TENM4: variants seen among roughly 807,000 people sequenced by gnomAD.
TENM4 encodes teneurin-4.
Under a neutral mutation model 243.3 loss-of-function variants are expected in TENM4, and 82 were observed. The observed-to-expected ratio is 0.34, with a 90% CI of 0.28 to 0.40. TENM4 has a LOEUF of 0.40. Among genes scored for constraint, TENM4 ranks in the 10% least tolerant of loss-of-function variants. TENM4 has a pLI of 1.00. For missense variants in TENM4, 3,138 were observed against 3,673.3 expected (o/e 0.85, Z 3.77); for synonymous variants, 1,412 against 1,456.3 (o/e 0.97, Z 0.69).
At chr11:79,365,664 T>G (rs7947157) in intron 1 of TENM4, among the ~76,000 whole-genome samples, 82,562 of 151,964 alleles carry the variant, frequency 0.54, 22,992 homozygotes, top group African/African-American at 0.67. Flanking sequence ...AGACAGGCAT[T>G]AGCATCTGAC....
At chr11:78,720,753 G>T (rs1373485225) in intron 24 of TENM4, among the ~76,000 whole-genome samples, 2 of 152,086 alleles carry the variant, frequency 1.3e-5, no homozygotes, top group Non-Finnish European at 2.9e-5. Context: ...CATGCTTACT[G>T]CCCTGTGTCT....
chr11:79,075,778 T>C (rs4944220), intron 4 of TENM4, among the ~76,000 whole-genome samples: 141,241 of 152,298 alleles, frequency 0.93, 65,779 homozygotes, highest in Middle Eastern at 0.98. Flanking sequence ...GGCCTGTCAG[T>C]CTGCTCCAGA....
rs142698173 is a variant in TENM4 at position 78,988,081 on chromosome 11, T to C, written c.493+76657A>G. ...GCGGACCTGTGATACCAATAGGATATTGTGGAAATAGAGAGTTTGACTTCC... is the reference window on the plus strand; with the variant it reads ...GCGGACCTGTGATACCAATAGGATACTGTGGAAATAGAGAGTTTGACTTCC... On this transcript the variant is annotated intron_variant, in intron 6 of 33. Transcript: ENST00000278550. Among the ~76,000 whole-genome samples the C allele has an allele frequency of 3.1e-3, 468 of 152,294 alleles. 2 individuals carry two copies. The highest frequency in any genetic ancestry group is 9.7e-3 in the African/African-American group (405 of 41,566).
At chr11:78,941,062 C>T (rs1360274663) in intron 6 of TENM4, among the ~76,000 whole-genome samples, 3 of 152,296 alleles carry the variant, frequency 2.0e-5, no homozygotes, top group East Asian at 3.9e-4. Context: ...CAGGCATGTC[C>T]CCCGCAAGCC....
chr11:78,722,779 A>G lies in TENM4; in HGVS notation c.3689T>C (p.Leu1230Pro). ...GCCACAGGTGAGGGCCACTGGGGCC[A>G]GGAGCTTGTTGCCGTCAGCAAGGCC... ...CNGLADGNKL[L>P]APVALTCGSD... The change falls in exon 24 of 34, where the codon CTG becomes CCG. Residue 1230 changes from leucine to proline, a missense_variant. Around this residue, in one of 2 missense-constraint regions of TENM4, gnomAD observed 2,467 missense variants for 3,059.1 expected, o/e 0.81. Transcript: ENST00000278550. 4.3e-6 allele frequency: 7 copies of G among 1,614,088 alleles called. No homozygotes were observed. The highest frequency in any genetic ancestry group is 5.9e-6 in the Non-Finnish European group (7 of 1,179,886).
chr11:78,913,580 GGTATGTGTGTGTGTGT>G (rs1442871434), intron 6 of TENM4, among the ~76,000 whole-genome samples: 7 of 126,350 alleles, frequency 5.5e-5, no homozygotes, highest in African/African-American at 2.1e-4. Flanking sequence ...ATGGGTAAGA[GGTATGTGTGTGTGTGT>G]GTGTGTGTGT....
At chr11:78,826,004 CCAAT>C (rs2136133695) in intron 12 of TENM4, among the ~76,000 whole-genome samples, 1 of 151,566 alleles carries the variant, frequency 6.6e-6, no homozygotes, top group East Asian at 1.9e-4. Flanking sequence ...TAATTAGTCT[CCAAT>C]CATTTATCCA....
intron 2 of TENM4, among the ~76,000 whole-genome samples, chr11:79,256,187 A>G (rs1855698458): frequency 6.6e-6 from 1 of 152,168 alleles, no homozygotes; most frequent in Non-Finnish European, 1.5e-5. Flanking sequence ...TCCTGTAGCC[A>G]TAGCTCTCAG....
chr11:78,868,192 T>C (rs1009090867), intron 9 of TENM4, among the ~76,000 whole-genome samples: 1 of 152,088 alleles, frequency 6.6e-6, no homozygotes, highest in Admixed American at 6.5e-5. Flanking sequence ...CCCTGAAGAA[T>C]GAACGGTAAC....
chr11:79,155,190 G>A (rs72935363), intron 3 of TENM4, among the ~76,000 whole-genome samples: 8,727 of 152,172 alleles, frequency 0.057, 337 homozygotes, highest in Non-Finnish European at 0.078. Context: ...CCCAGAAGAG[G>A]GACAGATCCG....
At chr11:79,235,581 G>A (rs1323024124) in intron 2 of TENM4, among the ~76,000 whole-genome samples, 1 of 152,202 alleles carries the variant, frequency 6.6e-6, no homozygotes, top group Non-Finnish European at 1.5e-5. Context: ...CTCAAGACAG[G>A]AAGGTTTGGG....
chr11:79,094,954 G>T (rs1861043948), intron 4 of TENM4, among the ~76,000 whole-genome samples: 1 of 152,186 alleles, frequency 6.6e-6, no homozygotes, highest in Non-Finnish European at 1.5e-5. Context: ...AGGATCTGAG[G>T]CCAGACCCAG....
chr11:79,266,898 A>G (rs564674355), intron 2 of TENM4, among the ~76,000 whole-genome samples: 9 of 152,316 alleles, frequency 5.9e-5, no homozygotes, highest in African/African-American at 2.2e-4. Flanking sequence ...TATGGGAGAG[A>G]CAGGCATATA....
chr11:79,130,717 G>T (rs952311320), intron 4 of TENM4, among the ~76,000 whole-genome samples: 2 of 152,134 alleles, frequency 1.3e-5, no homozygotes, highest in Admixed American at 1.3e-4. Flanking sequence ...TAGCTACTTG[G>T]GAGGCTGAGG....
chr11:79,214,482 G>T (rs138470458), intron 3 of TENM4, among the ~76,000 whole-genome samples: 3 of 152,058 alleles, frequency 2.0e-5, no homozygotes, highest in Admixed American at 2.0e-4. Context: ...TGTCTTTGTC[G>T]AATAACTAAA....
At chr11:78,830,360 A>G (rs1857951288) in intron 12 of TENM4, among the ~76,000 whole-genome samples, 1 of 152,168 alleles carries the variant, frequency 6.6e-6, no homozygotes, top group Non-Finnish European at 1.5e-5. Flanking sequence ...CCAGCAGCCC[A>G]AGGTAGAGGG....
chr11:78,808,733 T>C (rs1488748224), intron 14 of TENM4, among the ~76,000 whole-genome samples: 2 of 152,170 alleles, frequency 1.3e-5, no homozygotes, highest in Admixed American at 1.3e-4. Flanking sequence ...TGAAGTCAAA[T>C]GAAGGCAAAG....
intron 28 of TENM4, among the ~76,000 whole-genome samples, chr11:78,695,921 G>C (rs901259869): frequency 6.6e-6 from 1 of 151,386 alleles, no homozygotes; most frequent in Admixed American, 6.6e-5. Context: ...CTGTGGTTTG[G>C]TGTCCATTAT....
At chr11:78,865,142 T>A (rs770280423) in intron 9 of TENM4, among the ~76,000 whole-genome samples, 5 of 152,222 alleles carry the variant, frequency 3.3e-5, no homozygotes, top group Admixed American at 1.3e-4. Flanking sequence ...AAAACTATTA[T>A]TTATTGAGTA....
Sources: gnomAD v4.1 joint callset for allele counts (sites outside exome capture counted in the v4.1 genomes callset) on GRCh38, gnomAD v4.1.1 for gene constraint, gnomAD v4.1.1 regional missense constraint, MANE v1.5 for transcripts, NCBI Gene and HGNC (gene_info 2026-07-23, HGNC 2026-07-21) for gene names.